The following ZNF385B variants were observed in gnomAD, a reference collection of about 807,000 sequenced individuals.
ZNF385B encodes the protein zinc finger protein 533.
A neutral mutation model predicts 39.2 loss-of-function variants in ZNF385B; 23 were observed. That is an observed-to-expected ratio of 0.59 (90% CI 0.42 to 0.83). The LOEUF (loss-of-function observed/expected upper bound fraction) is 0.83. Ranked by LOEUF, ZNF385B falls within the 40% of genes least tolerant of loss-of-function variation. The pLI is 0.00. For synonymous variants in ZNF385B, 205 were observed against 222.6 expected (o/e 0.92, Z 0.70); for missense variants, 552 against 598.9 (o/e 0.92, Z 0.82).
intron 1 of ZNF385B, among the ~76,000 whole-genome samples, chr2:179,799,515 C>T (rs1705897367): frequency 6.6e-6 from 1 of 151,838 alleles, no homozygotes; most frequent in Non-Finnish European, 1.5e-5. Context: ...TTTCTTTTTA[C>T]CGGTTTCTTG....
At chr2:179,599,830 T>C (rs17767681) in intron 3 of ZNF385B, among the ~76,000 whole-genome samples, 42,167 of 152,048 alleles carry the variant, frequency 0.28, 7,253 homozygotes, top group Non-Finnish European at 0.37. Flanking sequence ...TAGTAAAAAA[T>C]AGAATATGGA....
chr2:179,693,987 C>A (rs1698538532), intron 3 of ZNF385B, among the ~76,000 whole-genome samples: 1 of 152,034 alleles, frequency 6.6e-6, no homozygotes, highest in Non-Finnish European at 1.5e-5. Context: ...AAGTATGTGA[C>A]CCAATTTTAT....
chr2:179,631,427 A>G (rs1244230754), intron 3 of ZNF385B, among the ~76,000 whole-genome samples: 1 of 152,230 alleles, frequency 6.6e-6, no homozygotes, highest in African/African-American at 2.4e-5. Context: ...ACTAAGCTTC[A>G]TAAGTGAAGG....
intron 5 of ZNF385B, among the ~76,000 whole-genome samples, chr2:179,493,283 T>A (rs1435526098): frequency 2.0e-5 from 3 of 152,008 alleles, no homozygotes; most frequent in Admixed American, 2.0e-4. Context: ...GTGTAGAGGA[T>A]AACAAAAGTG....
chr2:179,510,454 G>A (rs1210193478), intron 5 of ZNF385B, among the ~76,000 whole-genome samples: 1 of 152,032 alleles, frequency 6.6e-6, no homozygotes, highest in Non-Finnish European at 1.5e-5. Context: ...ATACATAAAA[G>A]TGAATGTTCA....
chr2:179,756,083 T>C (rs1347097021), intron 3 of ZNF385B, among the ~76,000 whole-genome samples: 1 of 152,186 alleles, frequency 6.6e-6, no homozygotes, highest in Non-Finnish European at 1.5e-5. Context: ...CTCAATGGTC[T>C]TTACAATTTG....
intron 3 of ZNF385B, among the ~76,000 whole-genome samples, chr2:179,706,038 A>G (rs1699569870): frequency 6.6e-6 from 1 of 152,180 alleles, no homozygotes; most frequent in Non-Finnish European, 1.5e-5. Context: ...CAATAGGTTA[A>G]CCCTAAGAAT....
In ZNF385B at chr2:179,443,402, C is replaced by G. The variant is rs764012985; in HGVS notation, c.1309G>C (p.Ala437Pro). The G allele has an allele frequency of 1.2e-6, 2 of 1,611,528 alleles. No homozygotes were observed. The highest frequency in any genetic ancestry group is 1.7e-6 in the Non-Finnish European group (2 of 1,179,176). The change falls in exon 10 of 10, where the codon GCA (alanine) becomes CCA (proline). Residue 437 changes from alanine to proline, a missense_variant. Transcript: ENST00000410066. ...GCTGAGGACACGGCTGCCGCCGCTG[C>G]GAGAGGTGAGGACAGGAAGGCTGGG... is the stretch of plus-strand genomic sequence containing the variant. ...LAPAFLSSPL[A>P]AAAAVSSALS...
chr2:179,765,236 C>A lies in ZNF385B; in HGVS notation c.298+4267G>T, dbSNP rs149660242. 2.0e-5 allele frequency among the ~76,000 whole-genome samples: 3 copies of A among 152,266 alleles called. No individual in the cohort carries two copies. In the East Asian group the frequency reaches 5.8e-4, roughly 29 times the overall value. The stretch of plus-strand genomic sequence containing the variant: ...TTCTCAAAGCTCCAAGATTCATTTT[C>A]ATTTCCTTTCTAGTTGAAAATTTTC... On this transcript the variant is annotated intron_variant, in intron 3 of 9. Coordinates refer to ENST00000410066, the MANE Select transcript of ZNF385B (RefSeq NM_152520.6).
intron 4 of ZNF385B, among the ~76,000 whole-genome samples, chr2:179,531,636 AAAATAAAT>A (rs1199957651): frequency 6.6e-6 from 1 of 152,102 alleles, no homozygotes; most frequent in Admixed American, 6.6e-5. Context: ...CTCCATCTCA[AAAATAAAT>A]AAATAAATAG....
intron 3 of ZNF385B, among the ~76,000 whole-genome samples, chr2:179,705,648 T>C (rs187942711): frequency 2.0e-5 from 3 of 152,372 alleles, no homozygotes; most frequent in East Asian, 3.9e-4. Context: ...AGACATTATG[T>C]ATGTTCTTTG....
chr2:179,689,940 G>T (rs1698229113), intron 3 of ZNF385B, among the ~76,000 whole-genome samples: 1 of 152,070 alleles, frequency 6.6e-6, no homozygotes, highest in African/African-American at 2.4e-5. Flanking sequence ...CTCTCCTATA[G>T]CTAAAGCTCT....
chr2:179,806,597 T>C (rs545318025), intron 1 of ZNF385B, among the ~76,000 whole-genome samples: 16 of 152,350 alleles, frequency 1.1e-4, no homozygotes, highest in African/African-American at 3.8e-4. Context: ...TTGGTAATGT[T>C]TTGTAACACT....
chr2:179,494,650 A>G (rs13023765), intron 5 of ZNF385B, among the ~76,000 whole-genome samples: 3,044 of 152,204 alleles, frequency 0.02, 41 homozygotes, highest in Non-Finnish European at 0.031. Flanking sequence ...ACGTAGTTAA[A>G]AGTATAAAAA....
intron 1 of ZNF385B, among the ~76,000 whole-genome samples, chr2:179,793,119 G>A (rs1188003425): frequency 6.6e-6 from 1 of 152,100 alleles, no homozygotes; most frequent in Non-Finnish European, 1.5e-5. Flanking sequence ...AAGAATTAAT[G>A]GCCCCTTTTC....
At chr2:179,476,566 T>G (rs1482241454) in intron 6 of ZNF385B, among the ~76,000 whole-genome samples, 1 of 152,134 alleles carries the variant, frequency 6.6e-6, no homozygotes, top group Non-Finnish European at 1.5e-5. Context: ...GTGAAGAAAC[T>G]GACAGTAAAT....
intron 3 of ZNF385B, among the ~76,000 whole-genome samples, chr2:179,648,446 A>G (rs1428516245): frequency 1.3e-5 from 2 of 152,150 alleles, no homozygotes; most frequent in African/African-American, 4.8e-5. Flanking sequence ...TTCAACATAC[A>G]CTGACAGATA....
Position 179,675,630 on chromosome 2 carries a change from C to G in ZNF385B, c.298+93873G>C, listed in dbSNP as rs55820852. On this transcript the variant is annotated intron_variant, in intron 3 of 9. Coordinates refer to ENST00000410066, the MANE Select transcript of ZNF385B (RefSeq NM_152520.6). ...GTGAGAGGAAACAGGTGGAGTAAGG[C>G]AAGAGCAGGAGGAAAAGGGCAGGTA... 2.6e-3 allele frequency among the ~76,000 whole-genome samples: 392 copies of G among 152,060 alleles called. 2 individuals carry two copies. The highest frequency in any genetic ancestry group is 0.014 in the Middle Eastern group (4 of 294).
At chr2:179,571,933 T>G (rs1481318304) in intron 3 of ZNF385B, among the ~76,000 whole-genome samples, 1 of 152,118 alleles carries the variant, frequency 6.6e-6, no homozygotes, top group Non-Finnish European at 1.5e-5. Context: ...TGTAAGTTGA[T>G]GCCCTAATGG....
Sources: allele counts gnomAD v4.1 joint callset (sites outside exome capture counted in the v4.1 genomes callset), GRCh38; gene constraint gnomAD v4.1.1; transcripts MANE v1.5; gene names NCBI Gene and HGNC (gene_info 2026-07-23, HGNC 2026-07-21).